The following TAFA5 variants were observed in gnomAD, a reference collection of about 807,000 sequenced individuals.
TAFA5 encodes the protein chemokine-like protein TAFA-5.
A neutral mutation model predicts 15.3 loss-of-function variants in TAFA5; 6 were observed. The observed-to-expected ratio is 0.39, with a 90% CI of 0.21 to 0.77. The LOEUF is 0.77. Among genes scored for constraint, TAFA5 ranks in the 30% least tolerant of loss-of-function variants. The pLI, the probability that TAFA5 is intolerant of heterozygous loss-of-function variation, is 0.41. For missense variants in TAFA5, 161 were observed against 193.1 expected (o/e 0.83, Z 0.98); for synonymous variants, 103 against 80.7 (o/e 1.28, Z -1.48).
At chr22:48,696,974 C>A (rs1419957405) in intron 2 of TAFA5, among the ~76,000 whole-genome samples, 1 of 152,196 alleles carries the variant, frequency 6.6e-6, no homozygotes, top group African/African-American at 2.4e-5. Context: ...CATGCTAGCT[C>A]CCCTGCTGCT....
At chr22:48,736,860 A>T (rs1051919800) in intron 3 of TAFA5, among the ~76,000 whole-genome samples, 2 of 152,222 alleles carry the variant, frequency 1.3e-5, no homozygotes, top group Non-Finnish European at 1.5e-5. Context: ...GCTGACGGGT[A>T]TGGCGTTGCT....
At chr22:48,620,124 C>T (rs1236296569) in intron 1 of TAFA5, among the ~76,000 whole-genome samples, 4 of 152,148 alleles carry the variant, frequency 2.6e-5, no homozygotes, top group African/African-American at 9.7e-5. Context: ...GTCCCCAGTC[C>T]ACACCCTTCT....
chr22:48,509,929 T>C (rs796652911), intron 1 of TAFA5, among the ~76,000 whole-genome samples: 10 of 140,472 alleles, frequency 7.1e-5, no homozygotes, highest in African/African-American at 2.4e-4. Flanking sequence ...CCAGCCTGGG[T>C]GACAGAGTGA....
At chr22:48,686,934 GGATGGATT>G (rs1207556446) in intron 2 of TAFA5, among the ~76,000 whole-genome samples, 5 of 123,836 alleles carry the variant, frequency 4.0e-5, no homozygotes, top group Non-Finnish European at 5.7e-5. Context: ...ATGGATGGAT[GGATGGATT>G]GGTGGAGGGT....
intron 1 of TAFA5, among the ~76,000 whole-genome samples, chr22:48,593,905 G>A (rs563993472): frequency 1.2e-4 from 18 of 152,212 alleles, no homozygotes; most frequent in East Asian, 1.9e-4. Flanking sequence ...CAGAGTGCAC[G>A]GCGCTGCAGC....
At chr22:48,495,448 T>C (rs988655349) in intron 1 of TAFA5, among the ~76,000 whole-genome samples, 1 of 152,098 alleles carries the variant, frequency 6.6e-6, no homozygotes, top group Non-Finnish European at 1.5e-5. Flanking sequence ...ATGCTACCCT[T>C]CTGTGTCCCA....
At chr22:48,538,355 G>A (rs988989568) in intron 1 of TAFA5, among the ~76,000 whole-genome samples, 14 of 152,222 alleles carry the variant, frequency 9.2e-5, no homozygotes, top group Admixed American at 9.2e-4. Context: ...GCCAGGCCAT[G>A]GGGCGCCCCA....
At chr22:48,623,522 A>G (rs1049767766) in intron 1 of TAFA5, among the ~76,000 whole-genome samples, 7 of 152,242 alleles carry the variant, frequency 4.6e-5, no homozygotes, top group African/African-American at 1.7e-4. Flanking sequence ...CCTTTTGAGC[A>G]GGTGTCTTGG....
chr22:48,588,331 G>C (rs1442987600), intron 1 of TAFA5, among the ~76,000 whole-genome samples: 1 of 152,238 alleles, frequency 6.6e-6, no homozygotes, highest in Non-Finnish European at 1.5e-5. Context: ...GGAAATGCAA[G>C]GGCAGAAAGT....
At chr22:48,501,712 CT>C (rs1174196742) in intron 1 of TAFA5, among the ~76,000 whole-genome samples, 1 of 152,218 alleles carries the variant, frequency 6.6e-6, no homozygotes, top group African/African-American at 2.4e-5. Context: ...GTACCAGCAT[CT>C]CCTTTCCTGT....
chr22:48,646,891 G>A (rs1926888348), intron 2 of TAFA5, 145 bp downstream of exon 2: 1 of 1,067,216 alleles, frequency 9.4e-7, no homozygotes, highest in Non-Finnish European at 1.3e-6. Context: ...TGGCACAGCT[G>A]TTCCCATGGA....
At chr22:48,517,581 C>T (rs937187197) in intron 1 of TAFA5, among the ~76,000 whole-genome samples, 3 of 152,214 alleles carry the variant, frequency 2.0e-5, no homozygotes, top group East Asian at 3.9e-4. Context: ...GGATCCTGGG[C>T]TGCTCTGTCC....
rs907171124 is a variant in TAFA5, at chr22:48,501,295, G to T, written c.112+11591G>T. Among the ~76,000 whole-genome samples, 13 of 152,242 alleles carry T rather than the reference G, an allele frequency of 8.5e-5. 1 individual carries two copies. Among genetic ancestry groups the T allele is most frequent in the Admixed American group, 6.5e-5 (1 of 15,292 alleles). On this transcript the variant is annotated intron_variant, in intron 1 of 3. Coordinates refer to ENST00000402357, the MANE Select transcript of TAFA5 (RefSeq NM_001082967.3). ...TGAGTCAGCCCCCGAGGCCTTCAGTGTGCCCAGGCCTGACTCCCCAACCTG... is the reference window on the plus strand; with the variant it reads ...TGAGTCAGCCCCCGAGGCCTTCAGTTTGCCCAGGCCTGACTCCCCAACCTG...
intron 1 of TAFA5, among the ~76,000 whole-genome samples, chr22:48,576,928 C>T (rs989783644): frequency 6.6e-6 from 1 of 152,076 alleles, no homozygotes; most frequent in African/African-American, 2.4e-5. Flanking sequence ...GCCGCCGGGC[C>T]CTCGGTAGAT....
Position 48,751,073 on chromosome 22 carries a change from G to A in TAFA5, c.*1226G>A, listed in dbSNP as rs1021224787. The A allele has an allele frequency of 1.2e-4, 19 of 152,368 alleles. No homozygotes were observed. Among genetic ancestry groups the A allele is most frequent in the Non-Finnish European group, 2.3e-4 (16 of 68,098 alleles). 9.4% of individuals were successfully genotyped at this position (152,368 alleles called of 1,614,324 possible). A position where few individuals can be genotyped will look rare whatever the true frequency, so the allele number is the denominator to read the frequency against. On this transcript the variant is annotated 3_prime_UTR_variant, in exon 4 of 4. Coordinates refer to ENST00000402357, the MANE Select transcript of TAFA5 (RefSeq NM_001082967.3). ...CCCGGATGTGTCGGTCGTGCCCGGG[G>A]AGGCCGGGTTCCCCTCGCTGCGGGC... is the stretch of plus-strand genomic sequence containing the variant.
intron 1 of TAFA5, among the ~76,000 whole-genome samples, chr22:48,500,508 G>A (rs932617566): frequency 2.0e-5 from 3 of 152,318 alleles, no homozygotes; most frequent in South Asian, 2.1e-4. Flanking sequence ...AGTGCGTGCC[G>A]GCCTCCTTGG....
At chr22:48,714,879 C>T (rs538611789) in intron 3 of TAFA5, among the ~76,000 whole-genome samples, 5 of 152,360 alleles carry the variant, frequency 3.3e-5, no homozygotes, top group Admixed American at 6.5e-5. Flanking sequence ...TTTTGCCTCT[C>T]ATAGCTTCTG....
chr22:48,500,113 G>A (rs373199902), intron 1 of TAFA5, among the ~76,000 whole-genome samples: 37 of 152,094 alleles, frequency 2.4e-4, no homozygotes, highest in African/African-American at 6.5e-4. Context: ...TTTCCAGCCC[G>A]AAATTGATGG....
At chr22:48,624,166 T>A (rs936787418) in intron 1 of TAFA5, among the ~76,000 whole-genome samples, 1 of 152,232 alleles carries the variant, frequency 6.6e-6, no homozygotes, top group African/African-American at 2.4e-5. Context: ...AATGACCTTC[T>A]TTTGGAATCT....
Sources: gnomAD v4.1 joint callset for allele counts (sites outside exome capture counted in the v4.1 genomes callset) on GRCh38, gnomAD v4.1.1 for gene constraint, MANE v1.5 for transcripts, NCBI Gene and HGNC (gene_info 2026-07-23, HGNC 2026-07-21) for gene names.